The following LPP variants were observed in gnomAD, a reference collection of about 807,000 sequenced individuals.
LPP encodes the protein lipoma-preferred partner.
In LPP, 38 loss-of-function variants were observed where a neutral mutation model predicts 60.4. The ratio of observed to expected loss-of-function variants is 0.63; its 90% confidence interval spans 0.49 to 0.83. The LOEUF is 0.83. Ranked by LOEUF, LPP falls within the 40% of genes least tolerant of loss-of-function variation. The pLI is 0.00. For synonymous variants in LPP, 328 were observed against 290.8 expected (o/e 1.13, Z -1.30); for missense variants, 902 against 783.6 (o/e 1.15, Z -1.80).
At chr3:188,612,697 C>T (rs1372399978) in intron 7 of LPP, among the ~76,000 whole-genome samples, 1 of 151,904 alleles carries the variant, frequency 6.6e-6, no homozygotes, top group Non-Finnish European at 1.5e-5. Context: ...GAAAACTTAC[C>T]CTCATGTCTG....
intron 2 of LPP, among the ~76,000 whole-genome samples, chr3:188,327,209 C>T (rs908558368): frequency 5.3e-5 from 8 of 152,128 alleles, no homozygotes; most frequent in South Asian, 4.1e-4. Flanking sequence ...TGGATACTTT[C>T]GCTTCTCTAT....
At chr3:188,493,649 G>A (rs1560475860) in intron 5 of LPP, among the ~76,000 whole-genome samples, 2 of 151,778 alleles carry the variant, frequency 1.3e-5, no homozygotes, top group African/African-American at 4.8e-5. Flanking sequence ...TGCTATTTTG[G>A]CCAGGCTGAT....
At chr3:188,664,281 T>C (rs1855270740) in intron 7 of LPP, among the ~76,000 whole-genome samples, 1 of 152,220 alleles carries the variant, frequency 6.6e-6, no homozygotes, top group African/African-American at 2.4e-5. Flanking sequence ...TTAGCACCCC[T>C]CTTAGAGATA....
intron 4 of LPP, among the ~76,000 whole-genome samples, chr3:188,417,860 C>G (rs1786730189): frequency 6.6e-6 from 1 of 152,086 alleles, no homozygotes; most frequent in Non-Finnish European, 1.5e-5. Flanking sequence ...CTTTTTTTAC[C>G]TAGTCAAACA....
At chr3:188,438,866 A>G (rs760216398) in intron 4 of LPP, among the ~76,000 whole-genome samples, 1 of 152,190 alleles carries the variant, frequency 6.6e-6, no homozygotes, top group Non-Finnish European at 1.5e-5. Flanking sequence ...GCAGGTTCCC[A>G]TTAAATACCT....
At chr3:188,416,670 T>C (rs544418031) in intron 4 of LPP, among the ~76,000 whole-genome samples, 95 of 152,300 alleles carry the variant, frequency 6.2e-4, no homozygotes, top group Admixed American at 6.5e-4. Context: ...TTTCCCTCAG[T>C]GCTTTCATTA....
chr3:188,318,901 GGC>G (rs1756056295), intron 2 of LPP, among the ~76,000 whole-genome samples: 2 of 150,472 alleles, frequency 1.3e-5, no homozygotes, highest in Admixed American at 6.7e-5. Context: ...TGGGACTACA[GGC>G]GCGCGCCACT....
intron 2 of LPP, among the ~76,000 whole-genome samples, chr3:188,271,198 A>C (rs1055829801): frequency 6.6e-6 from 1 of 152,208 alleles, no homozygotes; most frequent in Non-Finnish European, 1.5e-5. Flanking sequence ...CAATTGACAG[A>C]TTATTTCTTG....
intron 2 of LPP, among the ~76,000 whole-genome samples, chr3:188,317,856 T>C (rs1221502217): frequency 6.6e-6 from 1 of 152,026 alleles, no homozygotes; most frequent in East Asian, 1.9e-4. Context: ...GAATTGAAAG[T>C]CTCAATGGAG....
chr3:188,322,031 C>T (rs1452534475), intron 2 of LPP, among the ~76,000 whole-genome samples: 1 of 152,216 alleles, frequency 6.6e-6, no homozygotes, highest in Non-Finnish European at 1.5e-5. Flanking sequence ...TGCTTCACCT[C>T]ATCACTCTCT....
chr3:188,207,082 A>T (rs1026438297), intron 1 of LPP, among the ~76,000 whole-genome samples: 4 of 149,508 alleles, frequency 2.7e-5, no homozygotes, highest in Non-Finnish European at 5.9e-5. Flanking sequence ...TTTATTTTTC[A>T]CTCTGCTTTT....
At chr3:188,576,296 C>G (rs1310514377) in intron 6 of LPP, among the ~76,000 whole-genome samples, 1 of 151,968 alleles carries the variant, frequency 6.6e-6, no homozygotes, top group Non-Finnish European at 1.5e-5. Flanking sequence ...CTGAGTGGTA[C>G]CAGGTTGGAG....
intron 9 of LPP, among the ~76,000 whole-genome samples, chr3:188,810,145 G>A (rs1750469063): frequency 6.6e-6 from 1 of 152,066 alleles, no homozygotes; most frequent in Admixed American, 6.6e-5. Flanking sequence ...CAAAGATTCT[G>A]TGTTTTAATA....
At chr3:188,870,937 C>G (rs1767944075) in intron 10 of LPP, among the ~76,000 whole-genome samples, 1 of 152,110 alleles carries the variant, frequency 6.6e-6, no homozygotes, top group Non-Finnish European at 1.5e-5. Context: ...TTTTTTTATA[C>G]AGAAATATGG....
intron 8 of LPP, among the ~76,000 whole-genome samples, chr3:188,750,033 C>A (rs1488945792): frequency 6.6e-6 from 1 of 152,116 alleles, no homozygotes; most frequent in Non-Finnish European, 1.5e-5. Context: ...GATCAAGGCA[C>A]CAGCAGGCTT....
chr3:188,626,305 A>G (rs1032040641), intron 7 of LPP, among the ~76,000 whole-genome samples: 1 of 152,194 alleles, frequency 6.6e-6, no homozygotes, highest in Non-Finnish European at 1.5e-5. Flanking sequence ...TAGCATTTAC[A>G]TTGTATTGGG....
At chr3:188,653,684 A>G (rs182502475) in intron 7 of LPP, among the ~76,000 whole-genome samples, 3 of 152,330 alleles carry the variant, frequency 2.0e-5, no homozygotes, top group African/African-American at 7.2e-5. Context: ...CAATGTAACC[A>G]ATCAACATCA....
At chr3:188,410,601 C>T (rs920513340) in intron 4 of LPP, among the ~76,000 whole-genome samples, 1 of 152,200 alleles carries the variant, frequency 6.6e-6, no homozygotes, top group South Asian at 2.1e-4. Flanking sequence ...CCATTGTTCT[C>T]ATTTCTTTTC....
In LPP at chr3:188,747,916, G is replaced by A. The variant is rs537630385; in HGVS notation, c.1241-12197G>A. On this transcript the variant is annotated intron_variant, in intron 8 of 11. Coordinates refer to ENST00000617246, the MANE Select transcript of LPP (RefSeq NM_001375462.1). ...TCCCTCTGAGCTCCAGTGTAACATC[G>A]GGTGTCAAGTATTTGTGGCCCCATC... is the stretch of plus-strand genomic sequence containing the variant. Among the ~76,000 whole-genome samples, 8 of 152,182 alleles carry A rather than the reference G, an allele frequency of 5.3e-5. No homozygotes were observed. In the South Asian group the frequency reaches 8.3e-4, roughly 16 times the overall value.
Sources: gnomAD v4.1 joint callset for allele counts (sites outside exome capture counted in the v4.1 genomes callset) on GRCh38, gnomAD v4.1.1 for gene constraint, MANE v1.5 for transcripts, NCBI Gene and HGNC (gene_info 2026-07-23, HGNC 2026-07-21) for gene names.